The following KALRN variants were observed in gnomAD, a reference collection of about 807,000 sequenced individuals.
KALRN encodes kalirin.
In KALRN, 70 loss-of-function variants were observed where a neutral mutation model predicts 353.7. The ratio of observed to expected loss-of-function variants is 0.20; its 90% CI spans 0.16 to 0.24. The LOEUF (loss-of-function observed/expected upper bound fraction) is 0.24. KALRN is among the 10% of genes least tolerant of loss of function. The pLI is 1.00. For synonymous variants in KALRN, 1,391 were observed against 1,434.8 expected (o/e 0.97, Z 0.69); for missense variants, 2,791 against 3,756.7 (o/e 0.74, Z 6.72).
intron 37 of KALRN, among the ~76,000 whole-genome samples, chr3:124,649,769 T>A (rs969221384): frequency 6.7e-6 from 1 of 150,068 alleles, no homozygotes; most frequent in Non-Finnish European, 1.5e-5. Context: ...GACTGGGCAA[T>A]AGAGTGAGAC....
intron 1 of KALRN, among the ~76,000 whole-genome samples, chr3:124,104,516 G>C (rs1452162090): frequency 4.6e-5 from 7 of 152,110 alleles, no homozygotes; most frequent in Non-Finnish European, 7.3e-5. Context: ...TGTGATAAGA[G>C]TTAAGGTTGG....
intron 1 of KALRN, among the ~76,000 whole-genome samples, chr3:124,137,563 C>G (rs924611247): frequency 6.6e-6 from 1 of 152,190 alleles, no homozygotes. Flanking sequence ...TTCCCTCTCT[C>G]TCTCCAAGTG....
intron 21 of KALRN, among the ~76,000 whole-genome samples, chr3:124,451,303 GA>G (rs941599936): frequency 6.6e-6 from 1 of 151,272 alleles, no homozygotes; most frequent in East Asian, 1.9e-4. Context: ...GGGAGGGATA[GA>G]AAAAAAATAG....
intron 34 of KALRN, among the ~76,000 whole-genome samples, chr3:124,564,746 C>T (rs768224716): frequency 2.6e-5 from 4 of 152,216 alleles, no homozygotes; most frequent in African/African-American, 4.8e-5. Flanking sequence ...CCCACTCCTC[C>T]AGAGCCGGTG....
intron 37 of KALRN, among the ~76,000 whole-genome samples, chr3:124,639,548 T>G (rs1246999741): frequency 6.6e-6 from 1 of 152,236 alleles, no homozygotes; most frequent in Non-Finnish European, 1.5e-5. Flanking sequence ...CTACTACTGC[T>G]AAGCTTTGCA....
chr3:124,689,284 G>T (rs1273898146), intron 51 of KALRN, among the ~76,000 whole-genome samples: 1 of 151,616 alleles, frequency 6.6e-6, no homozygotes, highest in Admixed American at 6.6e-5. Context: ...GCACTTTCTT[G>T]GCTTGCCACA....
intron 1 of KALRN, chr3:124,094,922 A>C (rs2061339638): frequency 6.2e-7 from 1 of 1,609,286 alleles, no homozygotes; most frequent in Non-Finnish European, 8.5e-7. Context: ...GAGTGTGTGT[A>C]TGCTTGTATG....
chr3:124,695,640 T>C (rs1031064175), intron 53 of KALRN, among the ~76,000 whole-genome samples: 1 of 152,172 alleles, frequency 6.6e-6, no homozygotes, highest in Non-Finnish European at 1.5e-5. Flanking sequence ...ATCATTTAGG[T>C]GATGGAATTT....
intron 1 of KALRN, among the ~76,000 whole-genome samples, chr3:124,217,544 A>T (rs1371690859): frequency 6.6e-6 from 1 of 151,754 alleles, no homozygotes; most frequent in Non-Finnish European, 1.5e-5. Flanking sequence ...TACCAAAAAA[A>T]CCTCTCTTCT....
intron 1 of KALRN, among the ~76,000 whole-genome samples, chr3:124,036,806 A>G (rs888711747): frequency 2.6e-5 from 4 of 152,212 alleles, no homozygotes; most frequent in African/African-American, 9.6e-5. Flanking sequence ...CTAATTAGGC[A>G]TGTTTCAAAT....
chr3:124,359,779 C>A (rs1418753743), intron 10 of KALRN, among the ~76,000 whole-genome samples: 1 of 152,204 alleles, frequency 6.6e-6, no homozygotes, highest in African/African-American at 2.4e-5. Flanking sequence ...CATGTTGGTG[C>A]TGGTGGCTGG....
intron 1 of KALRN, among the ~76,000 whole-genome samples, chr3:124,194,737 G>A (rs1331082505): frequency 6.6e-6 from 1 of 152,156 alleles, no homozygotes; most frequent in Non-Finnish European, 1.5e-5. Context: ...AGGGCACTGA[G>A]CCCTCTCCCA....
At chr3:124,223,291 A>G (rs1193477579) in intron 1 of KALRN, among the ~76,000 whole-genome samples, 1 of 152,054 alleles carries the variant, frequency 6.6e-6, no homozygotes, top group Non-Finnish European at 1.5e-5. Flanking sequence ...CAAAATTACA[A>G]CCTAACTAGG....
At chr3:124,680,280 C>A (rs1215345991) in intron 51 of KALRN, among the ~76,000 whole-genome samples, 1 of 152,230 alleles carries the variant, frequency 6.6e-6, no homozygotes, top group Non-Finnish European at 1.5e-5. Flanking sequence ...GAACCAACGC[C>A]TGTATCAACA....
intron 49 of KALRN, among the ~76,000 whole-genome samples, chr3:124,676,629 C>G (rs2087223566): frequency 6.6e-6 from 1 of 152,130 alleles, no homozygotes; most frequent in African/African-American, 2.4e-5. Flanking sequence ...TATTAAATAA[C>G]CCAGAGAATT....
At chr3:124,580,888 G>T (rs971816895) in intron 34 of KALRN, among the ~76,000 whole-genome samples, 2 of 151,538 alleles carry the variant, frequency 1.3e-5, no homozygotes, top group African/African-American at 4.8e-5. Flanking sequence ...GGGGCAGATC[G>T]CTTGAGCCCA....
At chr3:124,686,844 T>C (rs2061586994) in intron 51 of KALRN, among the ~76,000 whole-genome samples, 1 of 141,428 alleles carries the variant, frequency 7.1e-6, no homozygotes, top group Non-Finnish European at 1.5e-5. Flanking sequence ...AGACAGGGTC[T>C]TTCTCTGTCA....
chr3:124,316,886 C>T (rs1229912563), intron 6 of KALRN, among the ~76,000 whole-genome samples: 3 of 152,188 alleles, frequency 2.0e-5, no homozygotes, highest in Non-Finnish European at 4.4e-5. Flanking sequence ...ATATTTAAGA[C>T]TCCAGCTATA....
rs536133625 is a variant in KALRN, at chr3:124,284,337, A to G, written c.970-14454A>G. 3.3e-5 allele frequency among the ~76,000 whole-genome samples: 5 copies of G among 152,188 alleles called. No homozygotes were observed. The South Asian group carries it at 1.0e-3, about 32-fold the overall frequency. On this transcript the variant is annotated intron_variant, in intron 5 of 59. Transcript: ENST00000682506. ...CTATCTCCTACTATGGCTTCTTACA[A>G]TCCCTCATTTTATGCTGCTGCTTTA...
Sources: allele counts gnomAD v4.1 joint callset (sites outside exome capture counted in the v4.1 genomes callset), GRCh38; gene constraint gnomAD v4.1.1; transcripts MANE v1.5; gene names NCBI Gene and HGNC (gene_info 2026-07-23, HGNC 2026-07-21).